The following ADGRV1 variants were observed in gnomAD, a reference collection of about 807,000 sequenced individuals.
The protein encoded by ADGRV1 is adhesion G protein-coupled receptor V1.
Under a neutral mutation model 596.2 loss-of-function variants are expected in ADGRV1, and 359 were observed. The ratio of observed to expected loss-of-function variants is 0.60; its 90% CI spans 0.55 to 0.66. The LOEUF (loss-of-function observed/expected upper bound fraction) is 0.66, where lower values mean the gene tolerates loss of function less well. Among genes scored for constraint, ADGRV1 ranks in the 30% least tolerant of loss-of-function variants. ADGRV1 has a pLI of 0.00. For missense variants in ADGRV1, 7,274 were observed against 7,575.6 expected, an observed-to-expected ratio of 0.96 and a Z score of 1.48; for synonymous variants, 2,681 against 2,679.2, an observed-to-expected ratio of 1.00 and a Z score of -0.02.
chr5:90,845,965 A>G (rs572593928), intron 78 of ADGRV1, among the ~76,000 whole-genome samples: 3 of 152,200 alleles, frequency 2.0e-5, no homozygotes, highest in African/African-American at 4.8e-5. Context: ...TGTCTTTTAC[A>G]TTTCCCTGTG....
chr5:90,925,534 G>T (rs36131676), intron 83 of ADGRV1, among the ~76,000 whole-genome samples: 53,113 of 151,848 alleles, frequency 0.35, 9,663 homozygotes, highest in East Asian at 0.59. Context: ...ATTTTGGGCT[G>T]AGACAGTGGG....
chr5:90,890,659 A>G (rs1027009548), intron 83 of ADGRV1, among the ~76,000 whole-genome samples: 4 of 152,158 alleles, frequency 2.6e-5, no homozygotes, highest in Non-Finnish European at 5.9e-5. Context: ...GCCTCCTTAC[A>G]TATAAATGTG....
At position 91,081,684 on chromosome 5, in the gene ADGRV1, G is replaced by A. The variant is rs1181369310; in HGVS notation, c.18310+9080G>A. ...GCCTGTAATCCCAGCTACTTGGGAG[G>A]CTGAGGCAGGAAAATGTCTTGAACC... On this transcript the variant is annotated intron_variant, in intron 86 of 89. Coordinates refer to ENST00000405460, the MANE Select transcript of ADGRV1 (RefSeq NM_032119.4). Among the ~76,000 whole-genome samples the A allele has an allele frequency of 2.0e-5, 3 of 152,132 alleles. No homozygotes were observed. In the East Asian group the frequency reaches 5.8e-4, roughly 29 times the overall value.
chr5:90,836,175 G>T (rs968566980), intron 77 of ADGRV1, among the ~76,000 whole-genome samples: 1 of 152,184 alleles, frequency 6.6e-6, no homozygotes, highest in Admixed American at 6.5e-5. Context: ...CAGTTTAGAA[G>T]TTTCTTCAAG....
At chr5:90,973,506 A>T (rs1779254651) in intron 84 of ADGRV1, among the ~76,000 whole-genome samples, 1 of 152,174 alleles carries the variant, frequency 6.6e-6, no homozygotes, top group Admixed American at 6.5e-5. Context: ...ATCCACCATG[A>T]TCAAGTGGAC....
At chr5:91,101,058 A>G (rs1305363312) in intron 86 of ADGRV1, among the ~76,000 whole-genome samples, 2 of 152,236 alleles carry the variant, frequency 1.3e-5, no homozygotes, top group Non-Finnish European at 2.9e-5. Context: ...CTGGTATAAT[A>G]AAATGGAATC....
chr5:90,941,649 C>T (rs2150863329), intron 83 of ADGRV1, among the ~76,000 whole-genome samples: 1 of 152,330 alleles, frequency 6.6e-6, no homozygotes, highest in South Asian at 2.1e-4. Context: ...AACACAAACA[C>T]TCTGCCATGC....
chr5:90,849,534 C>T (rs368639833), intron 79 of ADGRV1, among the ~76,000 whole-genome samples: 2 of 152,054 alleles, frequency 1.3e-5, no homozygotes, highest in Non-Finnish European at 2.9e-5. Context: ...GGACCAGAGG[C>T]GTGCACCACC....
At chr5:91,038,194 T>C (rs934067809) in intron 85 of ADGRV1, among the ~76,000 whole-genome samples, 1 of 152,158 alleles carries the variant, frequency 6.6e-6, no homozygotes, top group Non-Finnish European at 1.5e-5. Flanking sequence ...CCCTATTGAA[T>C]GAAGGAACCC....
intron 84 of ADGRV1, among the ~76,000 whole-genome samples, chr5:90,973,204 T>G (rs1779218466): frequency 6.6e-6 from 1 of 152,206 alleles, no homozygotes; most frequent in Admixed American, 6.5e-5. Context: ...ATTGAGGCAA[T>G]AATTAATAGC....
intron 1 of ADGRV1, among the ~76,000 whole-genome samples, chr5:90,571,413 G>A (rs1413813540): frequency 6.6e-6 from 1 of 152,046 alleles, no homozygotes; most frequent in Non-Finnish European, 1.5e-5. Context: ...ATACTTGTGT[G>A]TCATCTTCTA....
intron 76 of ADGRV1, among the ~76,000 whole-genome samples, chr5:90,824,644 A>T (rs981566250): frequency 1.3e-5 from 2 of 152,248 alleles, no homozygotes; most frequent in Non-Finnish European, 2.9e-5. Flanking sequence ...ACATTTGATC[A>T]TATAGTATGT....
intron 50 of ADGRV1, among the ~76,000 whole-genome samples, chr5:90,743,329 A>G (rs1006612154): frequency 1.3e-5 from 2 of 152,214 alleles, no homozygotes; most frequent in African/African-American, 4.8e-5. Flanking sequence ...ATTACTATAA[A>G]TAAGCACGAA....
intron 84 of ADGRV1, among the ~76,000 whole-genome samples, chr5:90,978,218 C>T (rs1407463001): frequency 3.3e-5 from 5 of 151,904 alleles, no homozygotes; most frequent in Admixed American, 3.3e-4. Flanking sequence ...TGGCGTGAAC[C>T]CGGGAGGCGG....
chr5:91,079,837 T>G (rs1379841154), intron 86 of ADGRV1, among the ~76,000 whole-genome samples: 3 of 152,164 alleles, frequency 2.0e-5, no homozygotes, highest in African/African-American at 7.2e-5. Flanking sequence ...GACATCTTTT[T>G]TCTAGGTGGA....
rs1295993815 is a variant in ADGRV1 at position 90,569,415 on chromosome 5, T to TTTTTTC, written c.22+10498_22+10499insTTTTTC. Among the ~76,000 whole-genome samples, 12 of 105,638 alleles carry TTTTTTC rather than the reference T, an allele frequency of 1.1e-4. 1 individual carries two copies. Among genetic ancestry groups the TTTTTTC allele is most frequent in the African/African-American group, 5.5e-4 (12 of 21,696 alleles). The allele number at this position is 105,638 out of a possible 152,430, so 69.3% of individuals were successfully genotyped here. The stretch of plus-strand genomic sequence containing the variant: ...TTTTTTTTTTTTTTTTTTTTTTTTT[T>TTTTTTC]CTCATTCTTAGTTTCAACCTGTTTG... On this transcript the variant is annotated intron_variant, in intron 1 of 89. Transcript: ENST00000405460.
chr5:90,635,264 G>A lies in ADGRV1; in HGVS notation c.1990G>A (p.Glu664Lys), dbSNP rs1189914201. ...FLSNLPIILH[E>K]PEDFAAEVVY... ...CAGCAATCTTCCAATTATTTTGCAT[G>A]AACCAGAAGATTTTGCTGCTGAAGT... Residue 664 changes from glutamate (E) to lysine (K), a missense_variant, in exon 10 of 90, where the codon GAA (glutamate) becomes AAA (lysine). Physicochemically the swap from Glu to Lys is moderately conservative, Grantham distance 56. This residue lies in a region of ADGRV1 where 1,715 missense variants were observed against 1,708.8 expected (regional missense o/e 1.00). Transcript: ENST00000405460. The A allele has an allele frequency of 6.2e-7, 1 of 1,611,858 alleles. No homozygotes were observed. Among genetic ancestry groups the A allele is most frequent in the South Asian group, 1.1e-5 (1 of 90,508 alleles).
chr5:91,044,501 A>G (rs1193611766), intron 85 of ADGRV1, among the ~76,000 whole-genome samples: 2 of 152,114 alleles, frequency 1.3e-5, no homozygotes, highest in Admixed American at 6.6e-5. Flanking sequence ...CTCATTTTCA[A>G]TTTTGAATCA....
intron 1 of ADGRV1, among the ~76,000 whole-genome samples, chr5:90,592,455 G>C (rs1759636473): frequency 6.9e-6 from 1 of 145,018 alleles, no homozygotes; most frequent in Non-Finnish European, 1.5e-5. Context: ...TTTTGGAAAG[G>C]GTGGTAGGAG....
Sources: allele counts gnomAD v4.1 joint callset (sites outside exome capture counted in the v4.1 genomes callset), GRCh38; gene constraint gnomAD v4.1.1; regional missense constraint gnomAD v4.1.1; transcripts MANE v1.5; gene names NCBI Gene and HGNC (gene_info 2026-07-23, HGNC 2026-07-21).